NCF2: variants seen among roughly 807,000 people sequenced by gnomAD.
NCF2 encodes the protein neutrophil cytosolic factor 2.
NCF2 carries 45 observed loss-of-function variants against 70.9 expected under a neutral mutation model. The ratio of observed to expected loss-of-function variants is 0.63; its 90% CI spans 0.50 to 0.81. NCF2 has a LOEUF of 0.81. NCF2 is among the 40% of genes least tolerant of loss of function. The probability of loss-of-function intolerance (pLI) is 0.00; values close to 1 mark genes in which losing one functional copy is unlikely to be tolerated. For missense variants in NCF2, 522 were observed against 631.6 expected (o/e 0.83, Z 1.86); for synonymous variants, 203 against 233.6 (o/e 0.87, Z 1.19).
chr1:183,561,015 A>G (rs561340320), intron 13 of NCF2, among the ~76,000 whole-genome samples: 5 of 152,326 alleles, frequency 3.3e-5, no homozygotes, highest in East Asian at 3.9e-4. Flanking sequence ...GAATCCTGCA[A>G]TCTGTATTTT....
rs767932699 is a variant in NCF2 at position 183,566,873 on chromosome 1, T to A, written c.924+47A>T. On this transcript the variant is annotated intron_variant, in intron 9 of 14. Transcript: ENST00000367535. Reference sequence around the variant, plus strand: ...TGCTTTTCTCCCCTCCAGGGAGAGATCCCTAAAGGGTGAGAGGAAATGGGT... The same window carrying A: ...TGCTTTTCTCCCCTCCAGGGAGAGAACCCTAAAGGGTGAGAGGAAATGGGT... 3.5e-5 allele frequency: 57 copies of A among 1,607,434 alleles called. No individual in the cohort carries two copies. The Admixed American group carries it at 7.7e-4, about 22-fold the overall frequency.
chr1:183,560,776 C>CCTTT (rs1180825289), intron 13 of NCF2, among the ~76,000 whole-genome samples: 2 of 152,176 alleles, frequency 1.3e-5, no homozygotes. Flanking sequence ...ATAAATGAAA[C>CCTTT]CAAAAGGTCT....
intron 14 of NCF2, among the ~76,000 whole-genome samples, chr1:183,559,153 G>A (rs1335039612): frequency 4.6e-5 from 7 of 152,092 alleles, no homozygotes; most frequent in African/African-American, 7.2e-5. Flanking sequence ...CTGGAGGGTG[G>A]GCCCAGGAAT....
upstream of NCF2, among the ~76,000 whole-genome samples, chr1:183,593,316 T>G (rs537839531): frequency 2.6e-5 from 4 of 152,292 alleles, no homozygotes; most frequent in South Asian, 8.3e-4. Flanking sequence ...TAACATTTCT[T>G]TGCCTCTCCA....
the NCF2 span, chr1:183,597,791 A>G: frequency 6.6e-6 from 1 of 152,242 alleles, no homozygotes; most frequent in Non-Finnish European, 1.5e-5. Flanking sequence ...CCGTGTCTGG[A>G]CATACAATAA....
Position 183,565,779 on chromosome 1 carries a change from C to T in NCF2, c.925G>A (p.Glu309Lys). The T allele has an allele frequency of 6.2e-7, 1 of 1,613,778 alleles. No homozygotes were observed. Among genetic ancestry groups the T allele is most frequent in the Non-Finnish European group, 8.5e-7 (1 of 1,180,028 alleles). The change falls in exon 10 of 15, where the codon GAG (glutamate) becomes AAG (lysine). Residue 309 changes from glutamate (E) to lysine (K), a missense_variant and splice_region_variant. Physicochemically the swap from Glu to Lys is moderately conservative, Grantham distance 56. Coordinates refer to ENST00000367535, the MANE Select transcript of NCF2 (RefSeq NM_000433.4). Reference protein sequence around the residue: ...LRIHPQQQPQEESSPQSDIPA... With the variant: ...LRIHPQQQPQKESSPQSDIPA... Reference sequence around the variant, plus strand: ...ATGTCGGACTGCGGAGAGCTTTCCTCCTGAAGGCAACAGGGAGCGACGGTC... The same window carrying T: ...ATGTCGGACTGCGGAGAGCTTTCCTTCTGAAGGCAACAGGGAGCGACGGTC...
At chr1:183,565,171 C>T (rs1019379606) in intron 10 of NCF2, among the ~76,000 whole-genome samples, 6 of 152,172 alleles carry the variant, frequency 3.9e-5, no homozygotes, top group African/African-American at 9.7e-5. Context: ...CTCTACCAAG[C>T]GCTTATCCAG....
rs750881920 is a variant in NCF2, at chr1:183,585,624, C to CAAAAAAAAAAAAA, written c.257+1258_257+1270dup. 1.4e-4 allele frequency among the ~76,000 whole-genome samples: 16 copies of CAAAAAAAAAAAAA among 114,546 alleles called. 1 individual carries two copies. The highest frequency in any genetic ancestry group is 1.8e-4 in the Non-Finnish European group (11 of 59,788). 75.1% of individuals were successfully genotyped at this position (114,546 alleles called of 152,430 possible). A position where few individuals can be genotyped will look rare whatever the true frequency, so the allele number is the denominator to read the frequency against. ...TGGGTGACAGGGCGAAACTCCGTCT[C>CAAAAAAAAAAAAA]AAAAAAAAAAAAAATTCTTCATTAG... On this transcript the variant is annotated intron_variant, in intron 2 of 14. Transcript: ENST00000367535.
the NCF2 span, among the ~76,000 whole-genome samples, chr1:183,596,082 GTC>G: frequency 2.6e-5 from 4 of 151,900 alleles, no homozygotes; most frequent in African/African-American, 9.7e-5. Flanking sequence ...TTAAACGACT[GTC>G]TCTCAACTAG....
chr1:183,599,423 C>CTTCTTTCTTTCTTTCTTTCCTTTCT, the NCF2 span, among the ~76,000 whole-genome samples: 342 of 107,506 alleles, frequency 3.2e-3, 4 homozygotes, highest in African/African-American at 0.012. Flanking sequence ...TCTTTCTTTC[C>CTTCTTTCTTTCTTTCTTTCCTTTCT]TTCTTTCTTT....
At chr1:183,566,819 C>T in intron 9 of NCF2, 101 bp downstream of exon 9, 1 of 1,447,058 alleles carries the variant, frequency 6.9e-7, no homozygotes, top group Non-Finnish European at 9.7e-7. Context: ...AATCTTTCTC[C>T]AGGGGTCCTG....
upstream of NCF2, among the ~76,000 whole-genome samples, chr1:183,592,033 G>A (rs1270618657): frequency 6.6e-6 from 1 of 152,138 alleles, no homozygotes; most frequent in East Asian, 1.9e-4. Flanking sequence ...AATAACTGGG[G>A]GTAAAGGGTA....
At chr1:183,567,076 G>C in intron 8 of NCF2, 88 bp from the exon 9 acceptor site, 1 of 1,605,764 alleles carries the variant, frequency 6.2e-7, no homozygotes, top group African/African-American at 1.3e-5. Flanking sequence ...GAGTCCTGGG[G>C]AAGGGATGAC....
intron 14 of NCF2, among the ~76,000 whole-genome samples, 193 bp from the exon 15 acceptor site, chr1:183,556,423 CATG>C (rs1191893924): frequency 6.6e-6 from 1 of 152,142 alleles, no homozygotes; most frequent in African/African-American, 2.4e-5. Context: ...CTGTCTTAAA[CATG>C]ATAATGAGCA....
At chr1:183,581,194 A>G (rs1055836493) in intron 2 of NCF2, among the ~76,000 whole-genome samples, 6 of 149,744 alleles carry the variant, frequency 4.0e-5, no homozygotes, top group Admixed American at 6.7e-5. Context: ...AGGTTGGAGA[A>G]TCACCTGAGC....
chr1:183,564,882 G>C (rs2102885807), intron 10 of NCF2, among the ~76,000 whole-genome samples: 1 of 152,320 alleles, frequency 6.6e-6, no homozygotes, highest in East Asian at 1.9e-4. Context: ...CTGCGTTTTT[G>C]CAGCTGTGTA....
At chr1:183,575,442 G>T (rs554976181) in intron 3 of NCF2, among the ~76,000 whole-genome samples, 1 of 150,968 alleles carries the variant, frequency 6.6e-6, no homozygotes, top group Non-Finnish European at 1.5e-5. Context: ...ACCTCAGGTG[G>T]GGGGGGAATG....
chr1:183,586,919 C>T lies in NCF2; in HGVS notation c.233G>A (p.Gly78Glu), dbSNP rs137854519. Reference sequence around the variant, plus strand: ...CTTCTCTGTCTGGTAGTAGAGCATCCCTCGTTGGAAGTAAGCCACTGCCAA... The same window carrying T: ...CTTCTCTGTCTGGTAGTAGAGCATCTCTCGTTGGAAGTAAGCCACTGCCAA... The part of the protein sequence containing the change: ...KHLAVAYFQR[G>E]MLYYQTEKYD... Residue 78 changes from glycine (G) to glutamate (E), a missense_variant, in exon 2 of 15, where the codon GGG becomes GAG. By Grantham distance (98) the Gly-to-Glu change is moderately conservative. Transcript: ENST00000367535. The T allele has an allele frequency of 1.9e-6, 3 of 1,614,060 alleles. No homozygotes were observed. Among genetic ancestry groups the T allele is most frequent in the Admixed American group, 1.7e-5 (1 of 60,024 alleles).
chr1:183,557,744 A>C (rs1671856399), intron 14 of NCF2, among the ~76,000 whole-genome samples: 1 of 152,144 alleles, frequency 6.6e-6, no homozygotes, highest in Admixed American at 6.5e-5. Context: ...TCCCTCTCCC[A>C]AACTCCAGAC....
Sources: allele counts gnomAD v4.1 joint callset (sites outside exome capture counted in the v4.1 genomes callset), GRCh38; gene constraint gnomAD v4.1.1; transcripts MANE v1.5; gene names NCBI Gene and HGNC (gene_info 2026-07-23, HGNC 2026-07-21).